Variants in SMG6 observed in about 807,000 individuals in gnomAD.
SMG6 encodes the protein telomerase-binding protein EST1A.
Under a neutral mutation model 142.2 loss-of-function variants are expected in SMG6, and 66 were observed. That is an observed-to-expected ratio of 0.46 (90% CI 0.38 to 0.57). The LOEUF (loss-of-function observed/expected upper bound fraction) is 0.57. Ranked by LOEUF, SMG6 falls within the 20% of genes least tolerant of loss-of-function variation. The pLI, the probability that SMG6 is intolerant of heterozygous loss-of-function variation, is 0.00. For missense variants in SMG6, 1,793 were observed against 1,832.0 expected (o/e 0.98, Z 0.39); for synonymous variants, 779 against 702.4 (o/e 1.11, Z -1.72).
intron 10 of SMG6, among the ~76,000 whole-genome samples, chr17:2,205,169 A>G (rs1323641335): frequency 6.6e-6 from 1 of 152,214 alleles, no homozygotes; most frequent in East Asian, 1.9e-4. Flanking sequence ...CCCAGGATCA[A>G]GCGATTCTCC....
chr17:2,303,112 C>T lies in SMG6; in HGVS notation c.88+521G>A, dbSNP rs2075321540. On this transcript the variant is annotated intron_variant, in intron 1 of 18. Transcript: ENST00000263073. The stretch of plus-strand genomic sequence containing the variant: ...CATGCCAGGGCCAAACCCGAGTAGT[C>T]TGAGGTCCCGGATCCCTCCAGTGGC... The T allele has an allele frequency of 1.4e-5, 14 of 985,452 alleles. No homozygotes were observed. The South Asian group carries it at 5.2e-4, about 36-fold the overall frequency. 61.0% of individuals were successfully genotyped at this position (985,452 alleles called of 1,614,324 possible). A position where few individuals can be genotyped will look rare whatever the true frequency, so the allele number is the denominator to read the frequency against.
intron 8 of SMG6, chr17:2,266,050 C>T: frequency 2.0e-6 from 2 of 985,398 alleles, no homozygotes; most frequent in Non-Finnish European, 2.4e-6. Flanking sequence ...CCAGGAAGAG[C>T]ACAGAAATGC....
intron 12 of SMG6, among the ~76,000 whole-genome samples, chr17:2,183,793 G>A (rs1198664688): frequency 7.2e-6 from 1 of 138,176 alleles, no homozygotes; most frequent in Admixed American, 7.4e-5. Flanking sequence ...CACACACACA[G>A]CAGAGGCAGA....
chr17:2,164,648 A>G (rs2071278742), intron 13 of SMG6, among the ~76,000 whole-genome samples: 1 of 151,812 alleles, frequency 6.6e-6, no homozygotes, highest in Non-Finnish European at 1.5e-5. Flanking sequence ...CAAATAAAAA[A>G]ACAACCAGCC....
rs2075259139 is a variant in SMG6 at position 2,300,587 on chromosome 17, G to A, written c.166C>T (p.Leu56Phe). Residue 56 changes from leucine (L) to phenylalanine (F), a missense_variant, in exon 2 of 19, where the codon CTT becomes TTT. Coordinates refer to ENST00000263073, the MANE Select transcript of SMG6 (RefSeq NM_017575.5). ...TTGGGCTTGTTCCTTAGCCGAGAAAGGCCAGGCTTATAGATTTCCAGATCT... is the reference window on the plus strand; with the variant it reads ...TTGGGCTTGTTCCTTAGCCGAGAAAAGCCAGGCTTATAGATTTCCAGATCT... ...RPDLEIYKPG[L>F]SRLRNKPKIK... 5.0e-6 allele frequency: 8 copies of A among 1,613,912 alleles called. No homozygotes were observed. Among genetic ancestry groups the A allele is most frequent in the Non-Finnish European group, 6.8e-6 (8 of 1,179,906 alleles).
Position 2,258,630 on chromosome 17 carries a change from T to C in SMG6, c.2662-13911A>G, listed in dbSNP as rs528999102. 4.2e-4 allele frequency among the ~76,000 whole-genome samples: 62 copies of C among 148,958 alleles called. 1 individual carries two copies. Among genetic ancestry groups the C allele is most frequent in the Non-Finnish European group, 2.2e-4 (15 of 67,172 alleles). Reference sequence around the variant, plus strand: ...CCAGCCTGGGCAACATAGAGAGACCTTGTTTCTACGAAAAAATAATTAGCT... The same window carrying C: ...CCAGCCTGGGCAACATAGAGAGACCCTGTTTCTACGAAAAAATAATTAGCT... On this transcript the variant is annotated intron_variant, in intron 8 of 18. Coordinates refer to ENST00000263073, the MANE Select transcript of SMG6 (RefSeq NM_017575.5).
chr17:2,264,882 A>G (rs2074387959), intron 8 of SMG6, among the ~76,000 whole-genome samples: 1 of 151,584 alleles, frequency 6.6e-6, no homozygotes, highest in Non-Finnish European at 1.5e-5. Context: ...AGCCTGGGTG[A>G]CAGAACGAAA....
At chr17:2,249,269 C>T (rs2073995893) in intron 8 of SMG6, among the ~76,000 whole-genome samples, 1 of 152,000 alleles carries the variant, frequency 6.6e-6, no homozygotes, top group Non-Finnish European at 1.5e-5. Context: ...TCAGCATGGA[C>T]TGGCTTCCAT....
chr17:2,184,051 GA>G (rs2071892130), intron 12 of SMG6, among the ~76,000 whole-genome samples: 1 of 152,188 alleles, frequency 6.6e-6, no homozygotes, highest in African/African-American at 2.4e-5. Flanking sequence ...CATGGACCCA[GA>G]ATCAGCACAG....
At position 2,117,097 on chromosome 17, in the gene SMG6, A is replaced by ATT. The variant is rs11371517; in HGVS notation, c.3358-31198_3358-31197dup. On this transcript the variant is annotated intron_variant, in intron 13 of 18. Coordinates refer to ENST00000263073, the MANE Select transcript of SMG6 (RefSeq NM_017575.5). ...AGACAGTCACCAGTATGGCTTTTAA[A>ATT]TTTTTTTTTTTTTTTGAGACAGGGT... Among the ~76,000 whole-genome samples the ATT allele has an allele frequency of 1.1e-3, 154 of 145,536 alleles. 1 individual carries two copies. Among genetic ancestry groups the ATT allele is most frequent in the African/African-American group, 3.0e-3 (118 of 39,464 alleles).
intron 8 of SMG6, among the ~76,000 whole-genome samples, chr17:2,267,988 C>T (rs1319377749): frequency 6.6e-6 from 1 of 152,162 alleles, no homozygotes; most frequent in Non-Finnish European, 1.5e-5. Context: ...ACCTCGGGAT[C>T]CGCCTGCCTT....
At chr17:2,163,064 T>G (rs2071230401) in intron 13 of SMG6, among the ~76,000 whole-genome samples, 1 of 152,220 alleles carries the variant, frequency 6.6e-6, no homozygotes, top group African/African-American at 2.4e-5. Context: ...ACTCCTGGGC[T>G]CAAGCGATCC....
At chr17:2,113,084 GTC>G (rs2069389013) in intron 13 of SMG6, among the ~76,000 whole-genome samples, 1 of 148,946 alleles carries the variant, frequency 6.7e-6, no homozygotes, top group Non-Finnish European at 1.5e-5. Flanking sequence ...AAGAGACAGA[GTC>G]TTGCTCTGTC....
chr17:2,235,860 C>A (rs1567706631), intron 10 of SMG6: 1 of 152,426 alleles, frequency 6.6e-6, no homozygotes, highest in Non-Finnish European at 1.5e-5. Flanking sequence ...GTCCTTCTCC[C>A]CTCTACTTCC....
chr17:2,161,947 G>T (rs2071192149), intron 13 of SMG6, among the ~76,000 whole-genome samples: 1 of 152,112 alleles, frequency 6.6e-6, no homozygotes, highest in South Asian at 2.1e-4. Flanking sequence ...AGAGAGGGAG[G>T]TCTAAGAAGG....
chr17:2,085,983 G>A lies in SMG6; in HGVS notation c.3358-82C>T. ...CGAGATGTTGCTTGCCGGCTGAGGG[G>A]CACAGGGGAACTGTGTCAAAGCTAC... On this transcript the variant is annotated intron_variant, in intron 13 of 18. Coordinates refer to ENST00000263073, the MANE Select transcript of SMG6 (RefSeq NM_017575.5). This position sits in a 1 kb window ranked among gnomAD's most constrained non-coding sequence, Gnocchi z 4.1. 2 of 1,407,180 alleles carry A rather than the reference G, an allele frequency of 1.4e-6. No homozygotes were observed. The highest frequency in any genetic ancestry group is 2.0e-6 in the Non-Finnish European group (2 of 997,000). 87.2% of individuals were successfully genotyped at this position (1,407,180 alleles called of 1,614,324 possible). A position where few individuals can be genotyped will look rare whatever the true frequency, so the allele number is the denominator to read the frequency against.
chr17:2,255,420 AAAAAAAAAAG>A (rs1375252099), intron 8 of SMG6, among the ~76,000 whole-genome samples: 5 of 149,688 alleles, frequency 3.3e-5, no homozygotes, highest in East Asian at 4.3e-4. Flanking sequence ...AAAAAAAAAA[AAAAAAAAAAG>A]AATGTGATCT....
At chr17:2,185,306 C>T (rs550703551) in intron 12 of SMG6, among the ~76,000 whole-genome samples, 4 of 152,178 alleles carry the variant, frequency 2.6e-5, no homozygotes, top group Non-Finnish European at 4.4e-5. Context: ...GACACTAAGA[C>T]ACACACAGAC....
chr17:2,153,260 A>C (rs111993350), intron 13 of SMG6, among the ~76,000 whole-genome samples: 6 of 152,312 alleles, frequency 3.9e-5, no homozygotes, highest in African/African-American at 1.4e-4. Context: ...CAGGGAAGCC[A>C]AAAGATTGGC....
Sources: gnomAD v4.1 joint callset for allele counts (sites outside exome capture counted in the v4.1 genomes callset) on GRCh38, gnomAD v4.1.1 for gene constraint, Gnocchi (gnomAD v3.1) non-coding constraint, MANE v1.5 for transcripts, NCBI Gene and HGNC (gene_info 2026-07-23, HGNC 2026-07-21) for gene names.